SIRT4: variants seen among roughly 807,000 people sequenced by gnomAD.
The protein encoded by SIRT4 is sirtuin 4.
Under a neutral mutation model 26.1 loss-of-function variants are expected in SIRT4, and 23 were observed. That is an observed-to-expected ratio of 0.88 (90% CI 0.63 to 1.25). The LOEUF is 1.25. Ranked by LOEUF, SIRT4 falls within the 50% of genes most tolerant of loss-of-function variation. The pLI is 0.00. For synonymous variants in SIRT4, 155 were observed against 158.4 expected, an observed-to-expected ratio of 0.98 and a Z score of 0.16; for missense variants, 361 against 405.4, an observed-to-expected ratio of 0.89 and a Z score of 0.94.
the SIRT4 span, among the ~76,000 whole-genome samples, chr12:120,292,769 C>CG: frequency 6.6e-6 from 1 of 150,948 alleles, no homozygotes; most frequent in African/African-American, 2.4e-5. Flanking sequence ...GCCGAGATCA[C>CG]GCCAGTGCAC....
chr12:120,292,461 G>A, the SIRT4 span, among the ~76,000 whole-genome samples: 1 of 152,128 alleles, frequency 6.6e-6, no homozygotes, highest in Non-Finnish European at 1.5e-5. Context: ...AAATCAGCGG[G>A]GTGCGGTGGG....
the SIRT4 span, among the ~76,000 whole-genome samples, chr12:120,295,692 A>G: frequency 6.6e-6 from 1 of 152,014 alleles, no homozygotes; most frequent in African/African-American, 2.4e-5. Context: ...CAGAATGTTC[A>G]CAGTTTCTAA....
the SIRT4 span, among the ~76,000 whole-genome samples, chr12:120,292,419 G>A: frequency 6.6e-6 from 1 of 152,082 alleles, no homozygotes. Context: ...TGGACAAGAT[G>A]GTGAAACGGG....
At chr12:120,298,537 C>T (rs965454364), upstream of SIRT4, among the ~76,000 whole-genome samples, 10 of 151,762 alleles carry the variant, frequency 6.6e-5, no homozygotes, top group Non-Finnish European at 1.5e-5. Context: ...GGCTGTAGTG[C>T]GCAGTGATCG....
intron 2 of SIRT4, among the ~76,000 whole-genome samples, chr12:120,307,602 G>A (rs1252664342): frequency 1.3e-5 from 2 of 152,122 alleles, no homozygotes; most frequent in Non-Finnish European, 2.9e-5. Context: ...GCTCACGCCT[G>A]TAATCCGAGC....
At chr12:120,310,270 G>T (rs917110521) in intron 2 of SIRT4, among the ~76,000 whole-genome samples, 2 of 152,074 alleles carry the variant, frequency 1.3e-5, no homozygotes, top group Admixed American at 6.6e-5. Context: ...GGAGGCTGAG[G>T]CAGGAGAATC....
At chr12:120,292,910 T>TC in the SIRT4 span, among the ~76,000 whole-genome samples, 2 of 152,178 alleles carry the variant, frequency 1.3e-5, no homozygotes, top group Non-Finnish European at 2.9e-5. Flanking sequence ...AATCAGCAAC[T>TC]CCAACTTTCA....
At chr12:120,297,149 G>A in the SIRT4 span, among the ~76,000 whole-genome samples, 10 of 152,070 alleles carry the variant, frequency 6.6e-5, no homozygotes, top group East Asian at 1.8e-3. Flanking sequence ...CTTGAACCCG[G>A]TAGGCGGAGG....
upstream of SIRT4, among the ~76,000 whole-genome samples, chr12:120,297,494 C>CA (rs200686377): frequency 0.11 from 9,418 of 83,522 alleles, 962 homozygotes; most frequent in African/African-American, 0.31. Context: ...ACTTGGATGA[C>CA]AAAAAAAAAA....
chr12:120,295,980 G>C, the SIRT4 span, among the ~76,000 whole-genome samples: 1 of 147,390 alleles, frequency 6.8e-6, no homozygotes, highest in Non-Finnish European at 1.5e-5. Flanking sequence ...CCAGCTACTA[G>C]GGGGGCTGAG....
chr12:120,292,300 C>G, the SIRT4 span, among the ~76,000 whole-genome samples: 13 of 152,240 alleles, frequency 8.5e-5, no homozygotes, highest in African/African-American at 3.1e-4. Flanking sequence ...GTCACTGTGA[C>G]AAAATCTGAA....
the SIRT4 span, among the ~76,000 whole-genome samples, chr12:120,295,419 A>AAAAT: frequency 2.5e-5 from 2 of 81,348 alleles, no homozygotes; most frequent in African/African-American, 8.4e-5. Flanking sequence ...TATATAGATA[A>AAAAT]TTTTTTTTTT....
upstream of SIRT4, among the ~76,000 whole-genome samples, chr12:120,301,800 G>A (rs1020462675): frequency 6.6e-5 from 10 of 151,526 alleles, no homozygotes; most frequent in African/African-American, 2.4e-4. Flanking sequence ...ATGGCCGGGC[G>A]CAGTGGCTCA....
At chr12:120,291,814 C>T in the SIRT4 span, 13 of 152,194 alleles carry the variant, frequency 8.5e-5, no homozygotes, top group Admixed American at 3.3e-4. Flanking sequence ...TTCAAGTCGT[C>T]ATGGCGGGGT....
the SIRT4 span, among the ~76,000 whole-genome samples, chr12:120,295,363 C>T: frequency 4.8e-5 from 7 of 147,072 alleles, no homozygotes; most frequent in South Asian, 1.3e-3. Flanking sequence ...GACAGGTATG[C>T]GCCACCATGC....
the SIRT4 span, chr12:120,293,194 TC>T: frequency 6.6e-6 from 1 of 152,196 alleles, no homozygotes; most frequent in Admixed American, 6.6e-5. Flanking sequence ...TAATCGCGCC[TC>T]GGATAGACCT....
the SIRT4 span, chr12:120,293,076 T>C: frequency 1.3e-4 from 11 of 87,518 alleles, no homozygotes; most frequent in East Asian, 8.3e-4. Context: ...GCCTCTGTTG[T>C]TCAACTGCAA....
chr12:120,293,161 T>C, the SIRT4 span: 7 of 152,152 alleles, frequency 4.6e-5, no homozygotes, highest in African/African-American at 9.7e-5. Flanking sequence ...GGCGGGGTAT[T>C]GGGAAAAGTT....
intron 2 of SIRT4, among the ~76,000 whole-genome samples, chr12:120,307,576 T>A (rs1872788236): frequency 6.6e-6 from 1 of 152,138 alleles, no homozygotes. Context: ...AATAACATAA[T>A]TGGCCGGGCA....
Sources: gnomAD v4.1 joint callset for allele counts (sites outside exome capture counted in the v4.1 genomes callset) on GRCh38, gnomAD v4.1.1 for gene constraint, MANE v1.5 for transcripts, NCBI Gene and HGNC (gene_info 2026-07-23, HGNC 2026-07-21) for gene names.